CLN3: variants seen among roughly 807,000 people sequenced by gnomAD.
CLN3 encodes the protein CLN3 lysosomal/endosomal transmembrane protein, battenin, also known as battenin.
CLN3 carries 49 observed loss-of-function variants against 60.7 expected under a neutral mutation model. That is an observed-to-expected ratio of 0.81 (90% CI 0.64 to 1.02). The LOEUF (loss-of-function observed/expected upper bound fraction) is 1.02, where lower values mean the gene tolerates loss of function less well. Ranked by LOEUF, CLN3 falls within the 50% of genes least tolerant of loss-of-function variation. CLN3 has a pLI of 0.00. For missense variants in CLN3, 516 were observed against 557.4 expected (o/e 0.93, Z 0.75); for synonymous variants, 256 against 245.8 (o/e 1.04, Z -0.39).
chr16:28,487,928 T>C (rs2098452271), intron 5 of CLN3, 187 bp from the exon 6 acceptor site: 6 of 610,076 alleles, frequency 9.8e-6, no homozygotes, highest in Middle Eastern at 4.4e-4. Context: ...TTATACTCTC[T>C]GAGCTTCAGT....
At chr16:28,475,077 C>G (rs2045980327), downstream of CLN3, among the ~76,000 whole-genome samples, 1 of 152,138 alleles carries the variant, frequency 6.6e-6, no homozygotes, top group South Asian at 2.1e-4. Flanking sequence ...TGGTGAAACC[C>G]CATCTCTACC....
In CLN3 at chr16:28,482,398, G is replaced by A; in HGVS notation, c.907-16C>T. The A allele has an allele frequency of 1.2e-6, 2 of 1,614,050 alleles. No homozygotes were observed. The highest frequency in any genetic ancestry group is 1.7e-6 in the Non-Finnish European group (2 of 1,179,972). On this transcript the variant is annotated splice_polypyrimidine_tract_variant and intron_variant, in intron 12 of 15. Transcript: ENST00000636147. ...GGAGTTCAAACTGCAACAAATACCA[G>A]ACAGGGGAGATGGACGGGGCTGTGT...
intron 10 of CLN3, among the ~76,000 whole-genome samples, chr16:28,483,414 G>A (rs1028797276): frequency 6.6e-6 from 1 of 152,008 alleles, no homozygotes; most frequent in Non-Finnish European, 1.5e-5. Context: ...TAGAGACGGG[G>A]TTTTACCATG....
downstream of CLN3, among the ~76,000 whole-genome samples, chr16:28,470,871 A>T (rs2045945916): frequency 8.5e-6 from 1 of 117,216 alleles, no homozygotes; most frequent in Non-Finnish European, 1.8e-5. Context: ...TTAGAGGGAG[A>T]CAAAAAGGTT....
chr16:28,477,659 G>A (rs754943974), intron 15 of CLN3, 24 bp from the exon 16 acceptor site: 1 of 1,614,008 alleles, frequency 6.2e-7, no homozygotes, highest in Non-Finnish European at 8.5e-7. Flanking sequence ...GAGCAGGGGT[G>A]AGGCTTCAGT....
chr16:28,489,850 A>G (rs1205653579), intron 3 of CLN3, among the ~76,000 whole-genome samples: 1 of 152,104 alleles, frequency 6.6e-6, no homozygotes. Context: ...TGAGGTCAGG[A>G]GTTCGAGACC....
In CLN3 at chr16:28,491,684, C is replaced by G. The variant is rs768598116; in HGVS notation, c.46+30G>C. The G allele has an allele frequency of 6.2e-6, 10 of 1,614,060 alleles. No homozygotes were observed. In the South Asian group the frequency reaches 8.8e-5, roughly 14 times the overall value. On this transcript the variant is annotated intron_variant, in intron 2 of 15. Coordinates refer to ENST00000636147, the MANE Select transcript of CLN3 (RefSeq NM_001042432.2). ...AGGTGGGCTGCGAGCCAGAGGTGGT[C>G]GTTCCATGAGGGTGGGCGGGAATAC... is the stretch of plus-strand genomic sequence containing the variant.
Position 28,477,511 on chromosome 16 carries a change from G to A in CLN3, c.*5C>T, listed in dbSNP as rs1008211845. 21 of 1,612,932 alleles carry A rather than the reference G, an allele frequency of 1.3e-5. No individual in the cohort carries two copies. The highest frequency in any genetic ancestry group is 4.0e-5 in the African/African-American group (3 of 75,018). On this transcript the variant is annotated 3_prime_UTR_variant, in exon 16 of 16. Coordinates refer to ENST00000636147, the MANE Select transcript of CLN3 (RefSeq NM_001042432.2). ...ATGTGACCTGCGTCCTGAGGATCCC[G>A]AGTATCAGGAGAGCTGGCAGAGGAA...
intron 14 of CLN3, among the ~76,000 whole-genome samples, chr16:28,480,941 T>C (rs2046078957): frequency 6.6e-6 from 1 of 152,200 alleles, no homozygotes; most frequent in Admixed American, 6.5e-5. Context: ...ACCCACTGAC[T>C]TCAAAGTCAC....
chr16:28,470,676 A>T, downstream of CLN3: 1 of 490,392 alleles, frequency 2.0e-6, no homozygotes, highest in Non-Finnish European at 3.7e-6. Context: ...GGGAAGGGAA[A>T]GGAGGAGAAG....
intron 3 of CLN3, chr16:28,490,327 C>A (rs1446697308): frequency 6.6e-6 from 1 of 151,722 alleles, no homozygotes; most frequent in Non-Finnish European, 1.5e-5. Flanking sequence ...ACCTGTAATC[C>A]CAGCTACTCG....
chr16:28,472,001 G>C (rs1258801748), downstream of CLN3, among the ~76,000 whole-genome samples: 2 of 152,084 alleles, frequency 1.3e-5, no homozygotes, highest in Non-Finnish European at 2.9e-5. Flanking sequence ...CTGCACTCCA[G>C]TCTGAGCAAC....
In CLN3 at chr16:28,487,466, G is replaced by A. The variant is rs1310831618; in HGVS notation, c.450C>T (p.Thr150=). 1.9e-6 allele frequency: 3 copies of A among 1,613,618 alleles called. No individual in the cohort carries two copies. Among genetic ancestry groups the A allele is most frequent in the Admixed American group, 1.7e-5 (1 of 59,974 alleles). Residue 150 remains threonine (T), a synonymous_variant, in exon 7 of 16, where the codon ACC becomes ACT. Coordinates refer to ENST00000636147, the MANE Select transcript of CLN3 (RefSeq NM_001042432.2). ...GAACCACACACTCACCACACAGGCT[G>A]GTCCCCACAGAATGAGAAAAGGCAA... ...VLVAFSHSVG[T]SLCGVVFASI...
chr16:28,478,933 C>T (rs2046042866), intron 14 of CLN3, among the ~76,000 whole-genome samples: 1 of 152,112 alleles, frequency 6.6e-6, no homozygotes, highest in African/African-American at 2.4e-5. Flanking sequence ...AGCCGGGCAT[C>T]CTATTCAGCT....
downstream of CLN3, among the ~76,000 whole-genome samples, chr16:28,474,544 G>C (rs886634828): frequency 1.3e-5 from 2 of 152,106 alleles, no homozygotes; most frequent in Non-Finnish European, 2.9e-5. Context: ...GAATGGAAAA[G>C]AGCAAGTATT....
downstream of CLN3, among the ~76,000 whole-genome samples, chr16:28,472,115 TG>T (rs1181506284): frequency 6.6e-6 from 1 of 152,166 alleles, no homozygotes; most frequent in Non-Finnish European, 1.5e-5. Context: ...GTTGTATTGG[TG>T]TAAGAATAAA....
Position 28,491,713 on chromosome 16 carries a change from C to G in CLN3, c.46+1G>C, listed in dbSNP as rs1057516343. On this transcript the variant is annotated splice_donor_variant, in intron 2 of 15. Coordinates refer to ENST00000636147, the MANE Select transcript of CLN3 (RefSeq NM_001042432.2). LOFTEE classifies it high-confidence loss of function. ...CCATGAGGGTGGGCGGGAATACTCA[C>G]CCTCGGAATCCGAAAAGCGCCGCCG... 1 of 1,614,094 alleles carries G rather than the reference C, an allele frequency of 6.2e-7. No homozygotes were observed. The highest frequency in any genetic ancestry group is 1.3e-5 in the African/African-American group (1 of 75,070).
chr16:28,492,017 T>A lies in CLN3; in HGVS notation c.-77+3A>T, dbSNP rs913532487. 1.7e-6 allele frequency: 1 copy of A among 596,010 alleles called. No homozygotes were observed. Among genetic ancestry groups the A allele is most frequent in the African/African-American group, 1.9e-5 (1 of 53,898 alleles). The allele number at this position is 596,010 out of a possible 1,614,324, so 36.9% of individuals were successfully genotyped here. On this transcript the variant is annotated splice_donor_region_variant and intron_variant, in intron 1 of 15. Coordinates refer to ENST00000636147, the MANE Select transcript of CLN3 (RefSeq NM_001042432.2). The stretch of plus-strand genomic sequence containing the variant: ...TCTACAGCAGGGACCCTGAGGCCTG[T>A]ACCTTTAAGAGCAGCAGAATGTTCT...
intron 14 of CLN3, among the ~76,000 whole-genome samples, chr16:28,480,335 T>C (rs915646516): frequency 6.6e-6 from 1 of 152,014 alleles, no homozygotes; most frequent in African/African-American, 2.4e-5. Context: ...ATTACAGGTG[T>C]GAGCCACAAC....
Sources: gnomAD v4.1 joint callset for allele counts (sites outside exome capture counted in the v4.1 genomes callset) on GRCh38, gnomAD v4.1.1 for gene constraint, MANE v1.5 for transcripts, NCBI Gene and HGNC (gene_info 2026-07-23, HGNC 2026-07-21) for gene names.